The following LAMA2 variants were observed in gnomAD, a reference collection of about 807,000 sequenced individuals.
LAMA2 encodes laminin subunit alpha 2, also known as laminin subunit alpha-2.
LAMA2 carries 269 observed loss-of-function variants against 364.8 expected under a neutral mutation model. That is an observed-to-expected ratio of 0.74 (90% CI 0.67 to 0.82). The LOEUF is 0.82. Ranked by LOEUF, LAMA2 falls within the 40% of genes least tolerant of loss-of-function variation. LAMA2 has a pLI of 0.00. For missense variants in LAMA2, 3,807 were observed against 3,873.2 expected, an observed-to-expected ratio of 0.98 and a Z score of 0.45; for synonymous variants, 1,379 against 1,370.6, an observed-to-expected ratio of 1.01 and a Z score of -0.14.
rs1000099037 is a variant in LAMA2 at position 128,899,775 on chromosome 6, G to GT, written c.112+16428dup. On this transcript the variant is annotated intron_variant, in intron 1 of 64. Coordinates refer to ENST00000421865, the MANE Select transcript of LAMA2 (RefSeq NM_000426.4). ...TACCTTAAATTATCTTGCTTCTTGA[G>GT]TTTTTTTTTTCCCCTCTAAGGATAT... 9.4e-4 allele frequency among the ~76,000 whole-genome samples: 140 copies of GT among 149,468 alleles called. 1 individual carries two copies. Among genetic ancestry groups the GT allele is most frequent in the Middle Eastern group, 6.9e-3 (2 of 288 alleles).
At chr6:129,383,884 A>G (rs1039660673) in intron 35 of LAMA2, among the ~76,000 whole-genome samples, 1 of 152,240 alleles carries the variant, frequency 6.6e-6, no homozygotes, top group African/African-American at 2.4e-5. Flanking sequence ...GTTAAAATAT[A>G]ATAAACGTGC....
chr6:129,293,737 A>G (rs1488855152), intron 20 of LAMA2, among the ~76,000 whole-genome samples: 1 of 152,132 alleles, frequency 6.6e-6, no homozygotes, highest in Non-Finnish European at 1.5e-5. Context: ...ACTTACCAGT[A>G]TAGAGTCAGG....
In LAMA2 at chr6:129,028,072, C is replaced by T. The variant is rs7774986; in HGVS notation, c.113-21846C>T. Among the ~76,000 whole-genome samples the T allele has an allele frequency of 6.0e-3, 908 of 151,790 alleles. 9 individuals are homozygous for T. Among genetic ancestry groups the T allele is most frequent in the African/African-American group, 0.021 (852 of 41,462 alleles). On this transcript the variant is annotated intron_variant, in intron 1 of 64. Transcript: ENST00000421865. ...TTAGTAGAAATGGGGATTTAGAGTA[C>T]ATCAGTACAGGTGGCGAAAAATGTG...
chr6:129,318,118 T>C lies in LAMA2; in HGVS notation c.4058+1947T>C, dbSNP rs1028083191. On this transcript the variant is annotated intron_variant, in intron 27 of 64. Transcript: ENST00000421865. Reference sequence around the variant, plus strand: ...TAAGGCAGTGGAATTGTGGCAAAGGTTTTTAAAAGGTTTGAATAGTCCCCC... The same window carrying C: ...TAAGGCAGTGGAATTGTGGCAAAGGCTTTTAAAAGGTTTGAATAGTCCCCC... Among the ~76,000 whole-genome samples the C allele has an allele frequency of 7.9e-5, 12 of 152,230 alleles. No homozygotes were observed. The East Asian group carries it at 2.3e-3, about 29-fold the overall frequency.
Position 129,063,292 on chromosome 6 carries a change from G to A in LAMA2, c.396+3396G>A, listed in dbSNP as rs116609086. 9.0e-3 allele frequency among the ~76,000 whole-genome samples: 1,365 copies of A among 152,096 alleles called. 23 individuals are homozygous for A. The highest frequency in any genetic ancestry group is 0.031 in the African/African-American group (1,302 of 41,506). On this transcript the variant is annotated intron_variant, in intron 3 of 64. Transcript: ENST00000421865. ...GTGTATATAAAAACTCAATATAATT[G>A]CGAACAAAAATATACAACAATTTAA... is the stretch of plus-strand genomic sequence containing the variant.
chr6:129,326,227 T>A (rs1209030862), intron 28 of LAMA2, among the ~76,000 whole-genome samples: 3 of 152,158 alleles, frequency 2.0e-5, no homozygotes, highest in Non-Finnish European at 4.4e-5. Context: ...TCTGTTAGAC[T>A]TTTCTAAGAG....
At chr6:129,110,502 G>A (rs1326321177) in intron 4 of LAMA2, among the ~76,000 whole-genome samples, 1 of 152,018 alleles carries the variant, frequency 6.6e-6, no homozygotes, top group African/African-American at 2.4e-5. Context: ...AGGATTAATG[G>A]ATTAACTATT....
intron 1 of LAMA2, among the ~76,000 whole-genome samples, chr6:128,910,273 C>A (rs1348904400): frequency 6.6e-6 from 1 of 152,232 alleles, no homozygotes; most frequent in African/African-American, 2.4e-5. Context: ...TTCAGGTACA[C>A]CAATCAGACG....
Position 129,154,676 on chromosome 6 carries a change from C to G in LAMA2, c.1199C>G (p.Pro400Arg), listed in dbSNP as rs567687227. 4 of 1,613,142 alleles carry G rather than the reference C, an allele frequency of 2.5e-6. No individual in the cohort carries two copies. In the South Asian group the frequency reaches 4.4e-5, roughly 18 times the overall value. Residue 400 changes from proline to arginine, a missense_variant, in exon 8 of 65, where the codon CCC becomes CGC. Pro to Arg is a moderately radical substitution (Grantham distance 103). This residue lies in a region of LAMA2 where 80 missense variants were observed against 124.0 expected (regional missense o/e 0.65). Transcript: ENST00000421865. ...CETCTDGFFR[P>R]KGVSPNYPRP... ...ACATGTACTGATGGCTTCTTCAGAC[C>G]CAAAGGGGTAAAGTATGCTTTTTCT...
Position 128,971,375 on chromosome 6 carries a change from T to C in LAMA2, c.113-78543T>C, listed in dbSNP as rs202236684. 5.3e-5 allele frequency among the ~76,000 whole-genome samples: 8 copies of C among 152,298 alleles called. No individual in the cohort carries two copies. In the East Asian group the frequency reaches 1.5e-3, roughly 29 times the overall value. The stretch of plus-strand genomic sequence containing the variant: ...TGCGTAGAGATAAGAGATGAGTACT[T>C]TCGCAGAAACAAATGAATAATTATA... On this transcript the variant is annotated intron_variant, in intron 1 of 64. Coordinates refer to ENST00000421865, the MANE Select transcript of LAMA2 (RefSeq NM_000426.4).
At chr6:129,348,014 ATATATG>A (rs1185414857) in intron 30 of LAMA2, among the ~76,000 whole-genome samples, 2 of 152,174 alleles carry the variant, frequency 1.3e-5, no homozygotes, top group African/African-American at 4.8e-5. Context: ...CTTAGAGCCC[ATATATG>A]TATAAGAGTG....
At chr6:129,372,366 C>CT (rs973350776) in intron 34 of LAMA2, among the ~76,000 whole-genome samples, 1 of 152,160 alleles carries the variant, frequency 6.6e-6, no homozygotes, top group African/African-American at 2.4e-5. Context: ...ATAGTTTTGC[C>CT]TTTTTTGGAA....
At chr6:129,227,841 A>G (rs1270244699) in intron 12 of LAMA2, among the ~76,000 whole-genome samples, 6 of 151,628 alleles carry the variant, frequency 4.0e-5, no homozygotes, top group African/African-American at 1.5e-4. Flanking sequence ...GAGAACCACT[A>G]CTCTCTTCAA....
At chr6:129,449,899 T>A (rs1583779349) in intron 45 of LAMA2, among the ~76,000 whole-genome samples, 1 of 149,664 alleles carries the variant, frequency 6.7e-6, no homozygotes, top group African/African-American at 2.5e-5. Context: ...GCCTCCCAGG[T>A]TCAAGCAATT....
intron 22 of LAMA2, among the ~76,000 whole-genome samples, chr6:129,312,586 C>T (rs1774297363): frequency 6.6e-6 from 1 of 152,118 alleles, no homozygotes; most frequent in Admixed American, 6.6e-5. Context: ...ATACCCAGCC[C>T]CTCTCTACCT....
At chr6:129,416,366 AAATT>A in intron 40 of LAMA2, among the ~76,000 whole-genome samples, 1 of 152,070 alleles carries the variant, frequency 6.6e-6, no homozygotes, top group Non-Finnish European at 1.5e-5. Context: ...TTCAAATTTT[AAATT>A]AATTAATCTG....
intron 12 of LAMA2, among the ~76,000 whole-genome samples, chr6:129,230,506 C>G (rs563952695): frequency 2.0e-5 from 3 of 152,152 alleles, no homozygotes; most frequent in African/African-American, 7.2e-5. Flanking sequence ...ATGTGGAAGT[C>G]TCTTCTATTG....
At chr6:129,480,303 A>G (rs1784283510) in intron 54 of LAMA2, among the ~76,000 whole-genome samples, 1 of 152,180 alleles carries the variant, frequency 6.6e-6, no homozygotes, top group Non-Finnish European at 1.5e-5. Context: ...CTCCTACAAA[A>G]TCTAGGACTT....
intron 4 of LAMA2, among the ~76,000 whole-genome samples, chr6:129,111,147 C>T (rs1776136216): frequency 6.6e-6 from 1 of 151,940 alleles, no homozygotes; most frequent in South Asian, 2.1e-4. Context: ...TACTAGGCCC[C>T]TGCTATGAAG....
Sources: gnomAD v4.1 joint callset for allele counts (sites outside exome capture counted in the v4.1 genomes callset) on GRCh38, gnomAD v4.1.1 for gene constraint, gnomAD v4.1.1 regional missense constraint, MANE v1.5 for transcripts, NCBI Gene and HGNC (gene_info 2026-07-23, HGNC 2026-07-21) for gene names.